MTA3: variants seen among roughly 807,000 people sequenced by gnomAD.
The protein encoded by MTA3 is metastasis-associated protein MTA3.
In MTA3, 34 loss-of-function variants were observed where a neutral mutation model predicts 83.5. The observed-to-expected ratio is 0.41, with a 90% CI of 0.31 to 0.54. The LOEUF is 0.54. Ranked by LOEUF, MTA3 falls within the 20% of genes least tolerant of loss-of-function variation. The pLI is 0.33. For missense variants in MTA3, 761 were observed against 726.4 expected, an observed-to-expected ratio of 1.05 and a Z score of -0.55; for synonymous variants, 303 against 252.7, an observed-to-expected ratio of 1.20 and a Z score of -1.89.
At chr2:42,603,486 G>A (rs1434308811) in intron 3 of MTA3, among the ~76,000 whole-genome samples, 1 of 152,116 alleles carries the variant, frequency 6.6e-6, no homozygotes, top group African/African-American at 2.4e-5. Flanking sequence ...CCGATGCAGT[G>A]TTCTTTGAAT....
chr2:42,540,849 TA>T (rs1051859123), intron 2 of MTA3, among the ~76,000 whole-genome samples: 38 of 144,626 alleles, frequency 2.6e-4, no homozygotes, highest in African/African-American at 3.8e-4. Flanking sequence ...AAAAAAAAAT[TA>T]AAAAAAAAAA....
intron 2 of MTA3, among the ~76,000 whole-genome samples, chr2:42,530,516 G>A (rs1675914182): frequency 6.6e-6 from 1 of 151,256 alleles, no homozygotes; most frequent in African/African-American, 2.4e-5. Flanking sequence ...TGGGAGCGGT[G>A]GCTCATGCCT....
At chr2:42,723,113 A>G in intron 16 of MTA3, 78 bp downstream of exon 16, 1 of 1,422,286 alleles carries the variant, frequency 7.0e-7, no homozygotes, top group Non-Finnish European at 9.5e-7. Context: ...CACATCCAAA[A>G]ATATATTATA....
In MTA3 at chr2:42,534,388, G is replaced by A. The variant is rs1278652608; in HGVS notation, c.-140-36049G>A. ...AGGTGGGTGGATCACCTGAGGTCAG[G>A]AGTTCAAGACCAGCCTGGCCAACAC... On this transcript the variant is annotated intron_variant, in intron 2 of 17. Coordinates refer to the MTA3 transcript ENST00000405592. 2.0e-5 allele frequency among the ~76,000 whole-genome samples: 3 copies of A among 152,182 alleles called. No homozygotes were observed. In the East Asian group the frequency reaches 5.8e-4, roughly 29 times the overall value.
At chr2:42,672,846 CTT>C (rs70963344) in intron 8 of MTA3, among the ~76,000 whole-genome samples, 2,181 of 114,132 alleles carry the variant, frequency 0.019, 43 homozygotes, top group African/African-American at 0.062. Context: ...GTATAAAAAG[CTT>C]TTTTTTTTTT....
intron 3 of MTA3, among the ~76,000 whole-genome samples, chr2:42,588,846 TA>T (rs2103923780): frequency 1.3e-5 from 2 of 152,268 alleles, no homozygotes; most frequent in African/African-American, 4.8e-5. Flanking sequence ...AACAGGTTTA[TA>T]TACATATAAA....
At chr2:42,614,975 T>A (rs1684674703) in intron 4 of MTA3, among the ~76,000 whole-genome samples, 6 of 60,000 alleles carry the variant, frequency 1.0e-4, no homozygotes. Flanking sequence ...AGACTCTGTC[T>A]TAAAAAAAAA....
rs565707774 is a variant in MTA3 at position 42,517,946 on chromosome 2, G to A, written c.-141+22692G>A. Among the ~76,000 whole-genome samples, 249 of 152,010 alleles carry A rather than the reference G, an allele frequency of 1.6e-3. 2 individuals are homozygous for A. Among genetic ancestry groups the A allele is most frequent in the African/African-American group, 5.5e-3 (229 of 41,468 alleles). On this transcript the variant is annotated intron_variant, in intron 2 of 17. Transcript: ENST00000405592. ...CACGCCTGTAATCCGAGCACTTTGG[G>A]AGGCCAAAGTGGGCAGATCACCTGA...
Position 42,695,807 on chromosome 2 carries a change from A to G in MTA3, c.934A>G (p.Met312Val), listed in dbSNP as rs746267997. 1 of 1,587,656 alleles carries G rather than the reference A, an allele frequency of 6.3e-7. No homozygotes were observed. Among genetic ancestry groups the G allele is most frequent in the East Asian group, 2.3e-5 (1 of 44,154 alleles). Residue 312 changes from methionine to valine, a missense_variant, in exon 10 of 17, where the codon ATG becomes GTG. By Grantham distance (21) the Met-to-Val change is conservative. Transcript: ENST00000405094. ...GACTAGCATCATTGAATATTATTACATGTGGAAAACTACTGACAGATATGT... is the reference window on the plus strand; with the variant it reads ...GACTAGCATCATTGAATATTATTACGTGTGGAAAACTACTGACAGATATGT... ...SLTSIIEYYY[M>V]WKTTDRYVQQ...
chr2:42,659,066 C>G (rs893064431), intron 7 of MTA3, among the ~76,000 whole-genome samples: 6 of 151,730 alleles, frequency 4.0e-5, no homozygotes, highest in African/African-American at 1.5e-4. Flanking sequence ...CTATTGCGCT[C>G]CAGCCTGGGT....
chr2:42,617,428 A>T (rs1327024545), intron 4 of MTA3, among the ~76,000 whole-genome samples: 2 of 152,168 alleles, frequency 1.3e-5, no homozygotes, highest in Non-Finnish European at 2.9e-5. Context: ...GTTTTGATAT[A>T]AAAAAAGCAA....
At chr2:42,570,633 T>C (rs1678359244) in intron 2 of MTA3, 129 bp downstream of exon 2, 1 of 475,078 alleles carries the variant, frequency 2.1e-6, no homozygotes, top group Admixed American at 3.6e-5. Context: ...GCCTGGCGAG[T>C]GGATAGCTTG....
chr2:42,582,203 G>A (rs1019355516), intron 3 of MTA3, among the ~76,000 whole-genome samples: 5 of 151,954 alleles, frequency 3.3e-5, no homozygotes, highest in Admixed American at 6.6e-5. Flanking sequence ...GACTACAGGC[G>A]CCTGCCACCA....
intron 3 of MTA3, among the ~76,000 whole-genome samples, chr2:42,589,604 G>T: frequency 6.6e-6 from 1 of 152,054 alleles, no homozygotes; most frequent in East Asian, 1.9e-4. Context: ...CCAGGCTGGC[G>T]TGCAGTGGTG....
intron 2 of MTA3, among the ~76,000 whole-genome samples, chr2:42,529,258 T>C (rs1675851982): frequency 6.6e-6 from 1 of 152,180 alleles, no homozygotes; most frequent in African/African-American, 2.4e-5. Flanking sequence ...GCTAGGCCTC[T>C]TTACTCTCTT....
At chr2:42,524,488 T>TTG (rs1675587031) in intron 2 of MTA3, among the ~76,000 whole-genome samples, 4 of 145,826 alleles carry the variant, frequency 2.7e-5, no homozygotes, top group South Asian at 2.2e-4. Flanking sequence ...TTTTTTTTTT[T>TTG]TTTTTTTTGT....
intron 3 of MTA3, among the ~76,000 whole-genome samples, chr2:42,579,926 A>G (rs1679434235): frequency 6.6e-6 from 1 of 151,734 alleles, no homozygotes; most frequent in Non-Finnish European, 1.5e-5. Flanking sequence ...CTCCCTGCTA[A>G]AACAACTGAA....
At chr2:42,675,286 C>T (rs901678229) in intron 8 of MTA3, among the ~76,000 whole-genome samples, 2 of 152,044 alleles carry the variant, frequency 1.3e-5, no homozygotes, top group Admixed American at 6.6e-5. Context: ...CAGGCGCATG[C>T]CACCACACCC....
intron 2 of MTA3, among the ~76,000 whole-genome samples, chr2:42,524,975 T>A (rs1553337550): frequency 1.4e-5 from 2 of 141,388 alleles, no homozygotes; most frequent in Admixed American, 7.0e-5. Flanking sequence ...TTTTTTTTTA[T>A]ACTTTAAGTT....
Sources: allele counts gnomAD v4.1 joint callset (sites outside exome capture counted in the v4.1 genomes callset), GRCh38; gene constraint gnomAD v4.1.1; transcripts MANE v1.5; gene names NCBI Gene and HGNC (gene_info 2026-07-23, HGNC 2026-07-21).